The following CD6 variants were observed in gnomAD, a reference collection of about 807,000 sequenced individuals.
The protein encoded by CD6 is T-cell differentiation antigen CD6.
CD6 carries 53 observed loss-of-function variants against 75.3 expected under a neutral mutation model. The ratio of observed to expected loss-of-function variants is 0.70; its 90% confidence interval spans 0.56 to 0.88. The LOEUF (loss-of-function observed/expected upper bound fraction) is 0.88, where lower values mean the gene tolerates loss of function less well. CD6 is among the 40% of genes least tolerant of loss of function. The pLI, the probability that CD6 is intolerant of heterozygous loss-of-function variation, is 0.00. For synonymous variants in CD6, 359 were observed against 381.5 expected (o/e 0.94, Z 0.69); for missense variants, 770 against 897.1 (o/e 0.86, Z 1.81).
chr11:61,006,233 T>C (rs560420021), intron 1 of CD6, among the ~76,000 whole-genome samples: 27 of 152,330 alleles, frequency 1.8e-4, no homozygotes, highest in Admixed American at 9.2e-4. Context: ...AGCTGAAAAA[T>C]TGGGACTGGC....
intron 1 of CD6, among the ~76,000 whole-genome samples, chr11:60,996,490 T>C (rs776417829): frequency 2.0e-5 from 3 of 152,186 alleles, no homozygotes; most frequent in Non-Finnish European, 2.9e-5. Context: ...TCCGGACAGC[T>C]CCCTGAACCA....
chr11:60,997,094 G>A (rs1477489313), intron 1 of CD6, among the ~76,000 whole-genome samples: 1 of 151,912 alleles, frequency 6.6e-6, no homozygotes, highest in Non-Finnish European at 1.5e-5. Context: ...TTAAATTTTT[G>A]GCTGGGCATG....
chr11:60,991,832 A>T (rs1858076679), intron 1 of CD6, among the ~76,000 whole-genome samples: 1 of 149,486 alleles, frequency 6.7e-6, no homozygotes, highest in Non-Finnish European at 1.5e-5. Context: ...CAGCTAATTT[A>T]CTTATTTATT....
In CD6 at chr11:61,017,562, T is replaced by TG. The variant is rs1470287087; in HGVS notation, c.1582+15dup. The stretch of plus-strand genomic sequence containing the variant: ...ACCCTTGGAGGAAGGTGAGTCAGGA[T>TG]GGGAAGGGGTGTGAATGGCAGTCCC... On this transcript the variant is annotated intron_variant, in intron 10 of 12. Transcript: ENST00000313421. The TG allele has an allele frequency of 5.1e-6, 8 of 1,560,034 alleles. No individual in the cohort carries two copies. Among genetic ancestry groups the TG allele is most frequent in the Non-Finnish European group, 7.0e-6 (8 of 1,150,556 alleles).
intron 8 of CD6, 31 bp downstream of exon 8, chr11:61,014,045 G>A (rs756003923): frequency 6.5e-7 from 1 of 1,533,582 alleles, no homozygotes; most frequent in Non-Finnish European, 9.0e-7. Flanking sequence ...GGTGTGGGAG[G>A]GCTGGGGAGG....
At position 60,971,812 on chromosome 11, in the gene CD6, A is replaced by G; in HGVS notation, c.-54A>G. 6.3e-7 allele frequency: 1 copy of G among 1,596,052 alleles called. No homozygotes were observed. The highest frequency in any genetic ancestry group is 8.6e-7 in the Non-Finnish European group (1 of 1,167,706). On this transcript the variant is annotated 5_prime_UTR_variant, in exon 1 of 13. Coordinates refer to ENST00000313421, the MANE Select transcript of CD6 (RefSeq NM_006725.5). ...ACGGCCGTGTCCACCTCCCGGCCCC[A>G]AGATGGTGCTTCCCACAGGCAGCCA...
chr11:61,007,837 C>G lies in CD6; in HGVS notation c.396C>G (p.Ala132=), dbSNP rs1858943714. ...AGAPALLCSG[A]EWRLCEVVEH... is the part of the protein sequence containing the mutation. ...CGCCCGCCCTCCTGTGCAGCGGCGCCGAGTGGCGGCTCTGCGAGGTGGTGG... is the reference window on the plus strand; with the variant it reads ...CGCCCGCCCTCCTGTGCAGCGGCGCGGAGTGGCGGCTCTGCGAGGTGGTGG... Residue 132 remains alanine (A), a synonymous_variant, in exon 3 of 13, where the codon GCC becomes GCG. Coordinates refer to ENST00000313421, the MANE Select transcript of CD6 (RefSeq NM_006725.5). This position sits in a 1 kb window ranked among gnomAD's most constrained non-coding sequence, Gnocchi z 4.2. The G allele has an allele frequency of 7.0e-7, 1 of 1,426,630 alleles. No homozygotes were observed. The highest frequency in any genetic ancestry group is 9.1e-7 in the Non-Finnish European group (1 of 1,095,268). The allele number at this position is 1,426,630 out of a possible 1,614,324, so 88.4% of individuals were successfully genotyped here.
intron 1 of CD6, among the ~76,000 whole-genome samples, chr11:60,984,371 C>T: frequency 6.6e-6 from 1 of 152,226 alleles, no homozygotes; most frequent in South Asian, 2.1e-4. Context: ...CAGGCTGGTA[C>T]TAATGAGGCC....
chr11:61,006,536 G>T, intron 1 of CD6, 38 bp from the exon 2 acceptor site: 3 of 1,542,610 alleles, frequency 1.9e-6, no homozygotes, highest in Non-Finnish European at 2.6e-6. Flanking sequence ...CCAGGCCTGA[G>T]CTCACTCACC....
chr11:61,003,954 G>A (rs987839560), intron 1 of CD6, among the ~76,000 whole-genome samples: 2 of 142,950 alleles, frequency 1.4e-5, no homozygotes, highest in Non-Finnish European at 3.0e-5. Context: ...CTTTCAACCA[G>A]CTGCCTTGGA....
intron 1 of CD6, among the ~76,000 whole-genome samples, chr11:61,002,797 T>C (rs185788816): frequency 4.8e-4 from 73 of 152,194 alleles, no homozygotes; most frequent in Non-Finnish European, 8.7e-4. Flanking sequence ...CATAACACAA[T>C]GGAAGGCGTC....
At chr11:60,998,529 C>A (rs1291391813) in intron 1 of CD6, among the ~76,000 whole-genome samples, 2 of 152,132 alleles carry the variant, frequency 1.3e-5, no homozygotes, top group Non-Finnish European at 2.9e-5. Context: ...GACGCCCAAC[C>A]CAGTGACCCT....
Position 61,020,308 on chromosome 11 carries a change from C to A in CD6, c.*990C>A. The A allele has an allele frequency of 2.5e-6, 1 of 399,038 alleles. No individual in the cohort carries two copies. The highest frequency in any genetic ancestry group is 1.3e-4 in the South Asian group (1 of 7,844). The allele number at this position is 399,038 out of a possible 1,614,324, so 24.7% of individuals were successfully genotyped here. Reference sequence around the variant, plus strand: ...TCCGTGCAGCCCCCAGAGAGAGGCCCATGGGCTCAGACCAGGCTTTGTTGT... The same window carrying A: ...TCCGTGCAGCCCCCAGAGAGAGGCCAATGGGCTCAGACCAGGCTTTGTTGT... On this transcript the variant is annotated 3_prime_UTR_variant, in exon 13 of 13. Transcript: ENST00000313421.
chr11:60,997,089 T>G (rs1858336572), intron 1 of CD6, among the ~76,000 whole-genome samples: 1 of 152,100 alleles, frequency 6.6e-6, no homozygotes, highest in Admixed American at 6.5e-5. Context: ...TAATTTTAAA[T>G]TTTTGGCTGG....
chr11:60,986,101 T>C (rs1022735073), intron 1 of CD6, among the ~76,000 whole-genome samples: 4 of 152,192 alleles, frequency 2.6e-5, no homozygotes, highest in Non-Finnish European at 4.4e-5. Flanking sequence ...TCCATTCTAC[T>C]CACCCTCGGT....
At chr11:61,018,418 TG>T in intron 12 of CD6, 25 bp downstream of exon 12, 2 of 1,533,626 alleles carry the variant, frequency 1.3e-6, no homozygotes, top group Non-Finnish European at 1.8e-6. Context: ...GGAAGGGATG[TG>T]GGAGGGGGAC....
chr11:61,007,810 G>A lies in CD6; in HGVS notation c.369G>A (p.Gly123=). 2 of 1,472,294 alleles carry A rather than the reference G, an allele frequency of 1.4e-6. No homozygotes were observed. The highest frequency in any genetic ancestry group is 1.3e-5 in the South Asian group (1 of 76,828). The allele number at this position is 1,472,294 out of a possible 1,614,324, so 91.2% of individuals were successfully genotyped here. A position where few individuals can be genotyped will look rare whatever the true frequency, so the allele number is the denominator to read the frequency against. The change falls in exon 3 of 13, where the codon GGG becomes GGA. Residue 123 remains glycine, a synonymous_variant. Transcript: ENST00000313421. This position sits in a 1 kb window ranked among gnomAD's most constrained non-coding sequence, Gnocchi z 4.2. ...TAGCAGCTAATGCCACTCTGGCCGGGGCGCCCGCCCTCCTGTGCAGCGGCG... is the reference window on the plus strand; with the variant it reads ...TAGCAGCTAATGCCACTCTGGCCGGAGCGCCCGCCCTCCTGTGCAGCGGCG... ...TSVAANATLA[G]APALLCSGAE...
At chr11:60,980,769 G>A (rs1857530758) in intron 1 of CD6, among the ~76,000 whole-genome samples, 2 of 152,162 alleles carry the variant, frequency 1.3e-5, no homozygotes, top group South Asian at 4.1e-4. Context: ...GAAACCGGGA[G>A]GCGGAAGTTA....
chr11:60,976,496 A>C (rs1351984184), intron 1 of CD6, among the ~76,000 whole-genome samples: 1 of 152,154 alleles, frequency 6.6e-6, no homozygotes, highest in Non-Finnish European at 1.5e-5. Flanking sequence ...ATTTAACACC[A>C]TTGGATATAT....
Sources: allele counts gnomAD v4.1 joint callset (sites outside exome capture counted in the v4.1 genomes callset), GRCh38; gene constraint gnomAD v4.1.1; non-coding constraint Gnocchi (gnomAD v3.1); transcripts MANE v1.5; gene names NCBI Gene and HGNC (gene_info 2026-07-23, HGNC 2026-07-21).